The following ERAP2 variants were observed in gnomAD, a reference collection of about 807,000 sequenced individuals.
The protein encoded by ERAP2 is leukocyte-derived arginine aminopeptidase.
ERAP2 carries 118 observed loss-of-function variants against 111.1 expected under a neutral mutation model. The ratio of observed to expected loss-of-function variants is 1.06; its 90% confidence interval spans 0.92 to 1.24. The LOEUF (loss-of-function observed/expected upper bound fraction) is 1.24. ERAP2 is among the 50% of genes most tolerant of loss of function. The pLI is 0.00. For missense variants in ERAP2, 1,131 were observed against 1,125.8 expected, an observed-to-expected ratio of 1.00 and a Z score of -0.07; for synonymous variants, 410 against 401.2, an observed-to-expected ratio of 1.02 and a Z score of -0.26.
intron 14 of ERAP2, 56 bp from the exon 15 acceptor site, chr5:96,909,524 A>C (rs895229248): frequency 4.3e-6 from 6 of 1,409,358 alleles, no homozygotes; most frequent in African/African-American, 1.4e-5. Context: ...GATGGGCAAG[A>C]ACTGTGTTAA....
In ERAP2 at chr5:96,913,307, C is replaced by G. The variant is rs760673030; in HGVS notation, c.2517-10C>G. Reference sequence around the variant, plus strand: ...TACTATTTAGAAACAAATTATTTTTCTTTCTTCAGGTTAATTGAACTAGGA... The same window carrying G: ...TACTATTTAGAAACAAATTATTTTTGTTTCTTCAGGTTAATTGAACTAGGA... On this transcript the variant is annotated splice_polypyrimidine_tract_variant and intron_variant, in intron 16 of 18. Transcript: ENST00000437043. The G allele has an allele frequency of 6.2e-6, 10 of 1,609,512 alleles. No homozygotes were observed. Among genetic ancestry groups the G allele is most frequent in the Non-Finnish European group, 8.5e-6 (10 of 1,177,182 alleles).
rs185294795 is a variant in ERAP2, at chr5:96,899,520, T to C, written c.1504-601T>C. Among the ~76,000 whole-genome samples the C allele has an allele frequency of 3.3e-5, 5 of 152,344 alleles. No homozygotes were observed. In the East Asian group the frequency reaches 7.7e-4, roughly 23 times the overall value. On this transcript the variant is annotated intron_variant, in intron 9 of 18. Coordinates refer to ENST00000437043, the MANE Select transcript of ERAP2 (RefSeq NM_022350.5). ...TTTGAGAGCCTTAGCACATTCTTCA[T>C]TTTTTCTCATTTGCAGTTGCCCTTA...
At chr5:96,916,509 T>C (rs1787411674) in intron 18 of ERAP2, among the ~76,000 whole-genome samples, 2 of 142,898 alleles carry the variant, frequency 1.4e-5, no homozygotes, top group African/African-American at 5.3e-5. Flanking sequence ...TTGCCCAGGC[T>C]GGAGTGCAGT....
chr5:96,881,350 C>T lies in ERAP2; in HGVS notation c.575+1090C>T, dbSNP rs1463446496. 1.3e-5 allele frequency: 6 copies of T among 450,444 alleles called. No individual in the cohort carries two copies. The East Asian group carries it at 3.5e-4, about 26-fold the overall frequency. 27.9% of individuals were successfully genotyped at this position (450,444 alleles called of 1,614,324 possible). A position where few individuals can be genotyped will look rare whatever the true frequency, so the allele number is the denominator to read the frequency against. Reference sequence around the variant, plus strand: ...TATGGAGTGAAACAATTGAACTTGGCAGTTATTTTGGAGGGCAAAACAACA... The same window carrying T: ...TATGGAGTGAAACAATTGAACTTGGTAGTTATTTTGGAGGGCAAAACAACA... On this transcript the variant is annotated intron_variant, in intron 2 of 18. Coordinates refer to ENST00000437043, the MANE Select transcript of ERAP2 (RefSeq NM_022350.5).
chr5:96,912,639 T>C lies in ERAP2; in HGVS notation c.2357T>C (p.Ile786Thr). 1 of 1,605,898 alleles carries C rather than the reference T, an allele frequency of 6.2e-7. No homozygotes were observed. The highest frequency in any genetic ancestry group is 8.5e-7 in the Non-Finnish European group (1 of 1,177,894). Residue 786 changes from isoleucine (I) to threonine (T), a missense_variant and splice_region_variant, in exon 16 of 19, where the codon ATA becomes ACA. Around this residue, in one of 3 missense-constraint regions of ERAP2, gnomAD observed 279 missense variants for 250.9 expected, o/e 1.11. Transcript: ENST00000437043. Reference sequence around the variant, plus strand: ...CATTTTTATGCTTGATATTACAGTATACCAACAGATGTTTTAAAGATTGTG... The same window carrying C: ...CATTTTTATGCTTGATATTACAGTACACCAACAGATGTTTTAAAGATTGTG... ...QWMESSGKLN[I>T]PTDVLKIVYS...
chr5:96,901,019 T>C (rs992204168), intron 10 of ERAP2, among the ~76,000 whole-genome samples: 2 of 152,182 alleles, frequency 1.3e-5, no homozygotes, highest in African/African-American at 4.8e-5. Context: ...CAGAAACCCA[T>C]ACTAGCAGTG....
chr5:96,896,594 C>T, intron 8 of ERAP2, 90 bp downstream of exon 8: 1 of 1,482,228 alleles, frequency 6.7e-7, no homozygotes, highest in Non-Finnish European at 9.1e-7. Context: ...GGTGCCAGTT[C>T]CTGCTACTTG....
At position 96,915,690 on chromosome 5, in the gene ERAP2, T is replaced by G; in HGVS notation, c.2660T>G (p.Phe887Cys). 1 of 1,513,546 alleles carries G rather than the reference T, an allele frequency of 6.6e-7. No individual in the cohort carries two copies. The highest frequency in any genetic ancestry group is 1.3e-5 in the South Asian group (1 of 74,644). The allele number at this position is 1,513,546 out of a possible 1,614,324, so 93.8% of individuals were successfully genotyped here. A position where few individuals can be genotyped will look rare whatever the true frequency, so the allele number is the denominator to read the frequency against. Reference sequence around the variant, plus strand: ...ATGGTGTTTCTTTTTATTTTCAGATTTGACTTGGGCTCATATGACATAAGG... The same window carrying G: ...ATGGTGTTTCTTTTTATTTTCAGATGTGACTTGGGCTCATATGACATAAGG... Reference protein sequence around the residue: ...RENWTHLLKKFDLGSYDIRMI... With the variant: ...RENWTHLLKKCDLGSYDIRMI... Residue 887 changes from phenylalanine to cysteine, a missense_variant and splice_region_variant, in exon 18 of 19, where the codon TTT (phenylalanine) becomes TGT (cysteine). Physicochemically the swap from Phe to Cys is radical, Grantham distance 205. Transcript: ENST00000437043.
intron 4 of ERAP2, among the ~76,000 whole-genome samples, chr5:96,887,906 G>A (rs897142369): frequency 6.6e-6 from 1 of 152,034 alleles, no homozygotes; most frequent in Admixed American, 6.5e-5. Flanking sequence ...CTGGCAGATC[G>A]CCTGAGGTCA....
intron 13 of ERAP2, among the ~76,000 whole-genome samples, chr5:96,906,849 T>C (rs889700616): frequency 2.0e-4 from 30 of 152,128 alleles, no homozygotes; most frequent in Non-Finnish European, 3.5e-4. Context: ...CTGGCCAACA[T>C]GTTGAAACCC....
rs143507128 is a variant in ERAP2, at chr5:96,878,311, C to T, written c.-122-1253C>T. 1.5e-3 allele frequency among the ~76,000 whole-genome samples: 225 copies of T among 152,146 alleles called. 3 individuals carry two copies. Among genetic ancestry groups the T allele is most frequent in the Admixed American group, 0.014 (210 of 15,286 alleles). On this transcript the variant is annotated intron_variant, in intron 1 of 18. Transcript: ENST00000437043. ...ATTGAAAATAAACTGGGGATAAATA[C>T]CTACCTTGACCAGCAACCTTTACAC...
chr5:96,877,861 A>AT (rs1581773576), intron 1 of ERAP2, among the ~76,000 whole-genome samples: 1 of 152,066 alleles, frequency 6.6e-6, no homozygotes, highest in Non-Finnish European at 1.5e-5. Flanking sequence ...AAGTATCTTT[A>AT]ATATTATTTT....
In ERAP2 at chr5:96,879,781, A is replaced by T. The variant is rs140447588; in HGVS notation, c.96A>T (p.Ile32=). The change falls in exon 2 of 19, where the codon ATA becomes ATT. Residue 32 remains isoleucine, a synonymous_variant. Coordinates refer to ENST00000437043, the MANE Select transcript of ERAP2 (RefSeq NM_022350.5). ...FYCLTAILPQ[I]CICSQFSVPS... ...GCTTAACAGCCATCTTGCCCCAAAT[A>T]TGCATTTGTTCTCAGTTCTCAGTGC... The T allele has an allele frequency of 3.8e-4, 616 of 1,614,056 alleles. No individual in the cohort carries two copies. Among genetic ancestry groups the T allele is most frequent in the Non-Finnish European group, 4.3e-4 (508 of 1,180,028 alleles).
At chr5:96,881,404 G>A (rs1783116472) in intron 2 of ERAP2, 1 of 456,160 alleles carries the variant, frequency 2.2e-6, no homozygotes, top group Non-Finnish European at 4.4e-6. Flanking sequence ...GTCATGTGAG[G>A]TGAGGGAAAT....
In ERAP2 at chr5:96,915,668, G is replaced by C. The variant is rs1412126719; in HGVS notation, c.2658-20G>C. 9 of 1,461,332 alleles carry C rather than the reference G, an allele frequency of 6.2e-6. No homozygotes were observed. Among genetic ancestry groups the C allele is most frequent in the Non-Finnish European group, 7.4e-6 (8 of 1,086,050 alleles). The allele number at this position is 1,461,332 out of a possible 1,614,324, so 90.5% of individuals were successfully genotyped here. Reference sequence around the variant, plus strand: ...GTCAGTATTTCTATGACTTTCTATGGTGTTTCTTTTTATTTTCAGATTTGA... The same window carrying C: ...GTCAGTATTTCTATGACTTTCTATGCTGTTTCTTTTTATTTTCAGATTTGA... On this transcript the variant is annotated intron_variant, in intron 17 of 18. Transcript: ENST00000437043.
chr5:96,906,298 A>C (rs1394560688), intron 13 of ERAP2, among the ~76,000 whole-genome samples: 3 of 150,868 alleles, frequency 2.0e-5, no homozygotes, highest in Non-Finnish European at 4.4e-5. Flanking sequence ...TTCTTCTTCA[A>C]GGGCTTTACT....
intron 10 of ERAP2, among the ~76,000 whole-genome samples, chr5:96,900,988 G>A (rs1007146058): frequency 2.0e-5 from 3 of 152,130 alleles, no homozygotes; most frequent in African/African-American, 7.2e-5. Context: ...TCTAAAGGAA[G>A]GTTCAGCATC....
intron 5 of ERAP2, among the ~76,000 whole-genome samples, chr5:96,891,012 A>G (rs1229237109): frequency 6.6e-6 from 1 of 152,192 alleles, no homozygotes; most frequent in Non-Finnish European, 1.5e-5. Flanking sequence ...CACTACTATA[A>G]AATCATCAAT....
intron 3 of ERAP2, among the ~76,000 whole-genome samples, chr5:96,885,923 G>A (rs1783671943): frequency 6.6e-6 from 1 of 152,212 alleles, no homozygotes; most frequent in Admixed American, 6.5e-5. Context: ...GCTTCCTCAG[G>A]AGATGGACAG....
Sources: gnomAD v4.1 joint callset for allele counts (sites outside exome capture counted in the v4.1 genomes callset) on GRCh38, gnomAD v4.1.1 for gene constraint, gnomAD v4.1.1 regional missense constraint, MANE v1.5 for transcripts, NCBI Gene and HGNC (gene_info 2026-07-23, HGNC 2026-07-21) for gene names.